Variants in RBBP8 observed in about 807,000 individuals in gnomAD.
The protein encoded by RBBP8 is RB binding protein 8, endonuclease.
RBBP8 carries 88 observed loss-of-function variants against 108.3 expected under a neutral mutation model. That is an observed-to-expected ratio of 0.81 (90% CI 0.68 to 0.97). The LOEUF (loss-of-function observed/expected upper bound fraction) is 0.97. Ranked by LOEUF, RBBP8 falls within the 50% of genes least tolerant of loss-of-function variation. The pLI is 0.00. For synonymous variants in RBBP8, 332 were observed against 348.2 expected, an observed-to-expected ratio of 0.95 and a Z score of 0.52; for missense variants, 1,023 against 1,049.0, an observed-to-expected ratio of 0.98 and a Z score of 0.34.
intron 12 of RBBP8, among the ~76,000 whole-genome samples, chr18:22,994,713 ATATTT>A (rs2045823600): frequency 6.7e-6 from 1 of 150,294 alleles, no homozygotes; most frequent in Admixed American, 6.6e-5. Flanking sequence ...TAATTTTGCT[ATATTT>A]TATTATTATT....
At chr18:23,016,170 T>G (rs2046252096) in intron 16 of RBBP8, among the ~76,000 whole-genome samples, 1 of 152,140 alleles carries the variant, frequency 6.6e-6, no homozygotes, top group Non-Finnish European at 1.5e-5. Flanking sequence ...CCATCCAGCT[T>G]TGTTCTTTTT....
intron 5 of RBBP8, 32 bp downstream of exon 5, chr18:22,968,950 G>A (rs987135002): frequency 6.8e-7 from 1 of 1,471,888 alleles, no homozygotes; most frequent in Non-Finnish European, 9.4e-7. Flanking sequence ...ATTATTTAAA[G>A]TATGTAATGT....
intron 3 of RBBP8, 28 bp downstream of exon 3, chr18:22,946,514 G>A: frequency 6.2e-7 from 1 of 1,610,580 alleles, no homozygotes; most frequent in Non-Finnish European, 8.5e-7. Context: ...ATACTCATGT[G>A]TTATTTATAG....
chr18:22,960,024 T>C (rs1377053197), intron 4 of RBBP8, among the ~76,000 whole-genome samples: 2 of 151,830 alleles, frequency 1.3e-5, no homozygotes, highest in African/African-American at 4.8e-5. Flanking sequence ...CCCGAGTAGC[T>C]GGGACTACAG....
At chr18:23,003,825 A>G (rs2045987980) in intron 15 of RBBP8, among the ~76,000 whole-genome samples, 1 of 152,102 alleles carries the variant, frequency 6.6e-6, no homozygotes, top group Non-Finnish European at 1.5e-5. Flanking sequence ...AAAAATGGCC[A>G]AGGCGGGCGG....
intron 4 of RBBP8, among the ~76,000 whole-genome samples, chr18:22,956,330 T>C (rs1298148329): frequency 3.3e-5 from 5 of 152,200 alleles, no homozygotes; most frequent in Non-Finnish European, 1.5e-5. Flanking sequence ...GTTTGGTCTT[T>C]TTGTTTTGTT....
intron 2 of RBBP8, among the ~76,000 whole-genome samples, chr18:22,940,636 A>AT (rs1462539763): frequency 1.3e-5 from 2 of 151,138 alleles, no homozygotes; most frequent in African/African-American, 4.9e-5. Flanking sequence ...TCTTTTTAAG[A>AT]TTTTTTAATT....
intron 6 of RBBP8, among the ~76,000 whole-genome samples, chr18:22,977,021 AATC>A (rs891892202): frequency 6.6e-6 from 1 of 152,136 alleles, no homozygotes; most frequent in African/African-American, 2.4e-5. Context: ...AGGAAAGAGT[AATC>A]ATATAGATGA....
intron 1 of RBBP8, among the ~76,000 whole-genome samples, chr18:22,914,974 ATC>A (rs1031363690): frequency 7.9e-5 from 12 of 152,132 alleles, no homozygotes; most frequent in African/African-American, 2.9e-4. Context: ...TCTTCCTTTT[ATC>A]TCTCTCTTTA....
At chr18:22,917,061 A>G (rs995840870) in intron 3 of RBBP8, 1 of 152,176 alleles carries the variant, frequency 6.6e-6, no homozygotes, top group Non-Finnish European at 1.5e-5. Context: ...AAAAAGTTTT[A>G]AACATTTTTA....
At chr18:22,956,730 A>G (rs1486988133) in intron 4 of RBBP8, among the ~76,000 whole-genome samples, 1 of 152,244 alleles carries the variant, frequency 6.6e-6, no homozygotes, top group African/African-American at 2.4e-5. Flanking sequence ...GAGATATTTC[A>G]ATGAAGGGAA....
At chr18:22,957,291 C>CTTTTTTTTTTTT (rs11418623) in intron 4 of RBBP8, among the ~76,000 whole-genome samples, 10 of 92,836 alleles carry the variant, frequency 1.1e-4, no homozygotes, top group East Asian at 6.8e-4. Flanking sequence ...ATTACTTTTT[C>CTTTTTTTTTTTT]TTTTTTTTTT....
Position 22,982,475 on chromosome 18 carries a change from G to C in RBBP8, c.604+82G>C, listed in dbSNP as rs1340570005. On this transcript the variant is annotated intron_variant, in intron 7 of 18. Transcript: ENST00000327155. ...TAGTTTTTATGTTATTCAATCTAGT[G>C]ATAAGAAGATAGTCACTATTCTGGT... 8 of 1,596,772 alleles carry C rather than the reference G, an allele frequency of 5.0e-6. No homozygotes were observed. The South Asian group carries it at 7.8e-5, about 16-fold the overall frequency.
intron 2 of RBBP8, among the ~76,000 whole-genome samples, chr18:22,940,524 G>C (rs985861845): frequency 6.6e-6 from 1 of 151,878 alleles, no homozygotes; most frequent in African/African-American, 2.4e-5. Flanking sequence ...GTTTCACTGT[G>C]TTAGCCAGGA....
chr18:22,985,394 T>C (rs1352976435), intron 8 of RBBP8, among the ~76,000 whole-genome samples: 22 of 152,078 alleles, frequency 1.4e-4, no homozygotes, highest in Admixed American at 1.4e-3. Flanking sequence ...TAAGAAGGGA[T>C]ATTAGAAAGC....
At chr18:22,917,655 C>A (rs899284483) in intron 3 of RBBP8, among the ~76,000 whole-genome samples, 1 of 151,998 alleles carries the variant, frequency 6.6e-6, no homozygotes, top group Non-Finnish European at 1.5e-5. Flanking sequence ...AGAATATGCA[C>A]GTTTTTGTCA....
intron 16 of RBBP8, among the ~76,000 whole-genome samples, chr18:23,010,247 A>G (rs1187509799): frequency 6.6e-6 from 1 of 152,106 alleles, no homozygotes; most frequent in Non-Finnish European, 1.5e-5. Context: ...AACCTTGCAC[A>G]TTCTCTTTTC....
intron 3 of RBBP8, among the ~76,000 whole-genome samples, chr18:22,923,747 G>A (rs907083890): frequency 2.0e-5 from 3 of 152,102 alleles, no homozygotes; most frequent in Non-Finnish European, 4.4e-5. Flanking sequence ...TTCCTACTCT[G>A]TCCCTTCTGA....
At position 22,993,196 on chromosome 18, in the gene RBBP8, G is replaced by A. The variant is rs750295016; in HGVS notation, c.1369G>A (p.Glu457Lys). The change falls in exon 11 of 19, where the codon GAA becomes AAA. Residue 457 changes from glutamate to lysine, a missense_variant. By Grantham distance (56) the Glu-to-Lys change is moderately conservative. Transcript: ENST00000327155. Reference sequence around the variant, plus strand: ...GAAAACTGAGGAAGAAAGTGAACATGAAGTAAGCTGCCCCCAAGCTTCTTT... The same window carrying A: ...GAAAACTGAGGAAGAAAGTGAACATAAAGTAAGCTGCCCCCAAGCTTCTTT... ...RKKTEEESEH[E>K]VSCPQASFDK... is the part of the protein sequence containing the mutation. 1.4e-5 allele frequency: 22 copies of A among 1,614,062 alleles called. No homozygotes were observed. In the East Asian group the frequency reaches 4.7e-4, roughly 34 times the overall value.
Sources: gnomAD v4.1 joint callset for allele counts (sites outside exome capture counted in the v4.1 genomes callset) on GRCh38, gnomAD v4.1.1 for gene constraint, MANE v1.5 for transcripts, NCBI Gene and HGNC (gene_info 2026-07-23, HGNC 2026-07-21) for gene names.